The following FYB1 variants were observed in gnomAD, a reference collection of about 807,000 sequenced individuals.
The protein encoded by FYB1 is FYN binding protein 1.
In FYB1, 41 loss-of-function variants were observed where a neutral mutation model predicts 94.1. The observed-to-expected ratio is 0.44, with a 90% confidence interval of 0.34 to 0.57. FYB1 has a LOEUF of 0.57. Ranked by LOEUF, FYB1 falls within the 20% of genes least tolerant of loss-of-function variation. The pLI, the probability that FYB1 is intolerant of heterozygous loss-of-function variation, is 0.02. For synonymous variants in FYB1, 367 were observed against 353.2 expected, an observed-to-expected ratio of 1.04 and a Z score of -0.44; for missense variants, 1,050 against 976.8, an observed-to-expected ratio of 1.07 and a Z score of -1.00.
chr5:39,134,873 T>C lies in FYB1; in HGVS notation c.1657A>G (p.Arg553Gly). 1 of 1,613,968 alleles carries C rather than the reference T, an allele frequency of 6.2e-7. No homozygotes were observed. Among genetic ancestry groups the C allele is most frequent in the Non-Finnish European group, 8.5e-7 (1 of 1,179,876 alleles). ...CACTCACATGAACCCCTTGCTGTTC[T>C]GCCCAACCATTTTCCTTCTGGGTTG... ...TDNPEGKWLG[R>G]TARGSYGYIK... is the part of the protein sequence containing the mutation. The change falls in exon 8 of 19, where the codon AGA becomes GGA. Residue 553 changes from arginine to glycine, a missense_variant. By Grantham distance (125) the Arg-to-Gly change is moderately radical (BLOSUM62 -2). Transcript: ENST00000512982.
intron 1 of FYB1, among the ~76,000 whole-genome samples, chr5:39,233,944 A>G (rs527400072): frequency 8.5e-5 from 13 of 152,264 alleles, no homozygotes; most frequent in Non-Finnish European, 1.5e-4. Context: ...GTTGCCTGAA[A>G]GGGACTTGAT....
chr5:39,230,053 T>G (rs1259877328), intron 1 of FYB1, among the ~76,000 whole-genome samples: 1 of 152,100 alleles, frequency 6.6e-6, no homozygotes, highest in South Asian at 2.1e-4. Flanking sequence ...CTTCCTATAG[T>G]GAGGTAGGCA....
chr5:39,247,783 T>C lies in FYB1; in HGVS notation c.-28+26620A>G, dbSNP rs571973671. Among the ~76,000 whole-genome samples the C allele has an allele frequency of 9.1e-4, 138 of 152,044 alleles. 3 individuals carry two copies. Among genetic ancestry groups the C allele is most frequent in the African/African-American group, 3.1e-3 (129 of 41,454 alleles). ...CAAAACATTTGTTGAGCATCTAGTA[T>C]ATGCCAGCACCATAGTGTGCTTTTA... On this transcript the variant is annotated intron_variant, in intron 1 of 1. Transcript: ENST00000510188.
Position 39,202,186 on chromosome 5 carries a change from A to C in FYB1, c.775T>G (p.Phe259Val), listed in dbSNP as rs1278361003. Residue 259 changes from phenylalanine (F) to valine (V), a missense_variant, in exon 2 of 19, where the codon TTT becomes GTT. Transcript: ENST00000512982. Reference sequence around the variant, plus strand: ...GCAGGTTTCAAAACCACTCCAGGAAAGGGCAAACTTGAAATCTCCCCTGCA... The same window carrying C: ...GCAGGTTTCAAAACCACTCCAGGAACGGGCAAACTTGAAATCTCCCCTGCA... ...DHAGEISSLP[F>V]PGVVLKPAAS... is the part of the protein sequence containing the mutation. The C allele has an allele frequency of 5.6e-6, 9 of 1,613,912 alleles. No homozygotes were observed. In the Admixed American group the frequency reaches 1.3e-4, roughly 24 times the overall value.
At chr5:39,139,767 AGT>A in intron 4 of FYB1, 1 of 152,434 alleles carries the variant, frequency 6.6e-6, no homozygotes, top group Non-Finnish European at 1.5e-5. Flanking sequence ...TAATAAAAAC[AGT>A]GTGGTGTTGG....
intron 2 of FYB1, among the ~76,000 whole-genome samples, chr5:39,176,298 G>A (rs754177340): frequency 6.6e-5 from 10 of 151,380 alleles, no homozygotes; most frequent in South Asian, 4.2e-4. Flanking sequence ...TTACAGGTGC[G>A]CACCACCAGG....
At chr5:39,210,388 C>A (rs1455241876) in intron 1 of FYB1, among the ~76,000 whole-genome samples, 2 of 152,200 alleles carry the variant, frequency 1.3e-5, no homozygotes, top group Non-Finnish European at 2.9e-5. Flanking sequence ...ACTGATGATC[C>A]GGATCCTTCT....
chr5:39,252,252 CAG>C (rs200179792), intron 1 of FYB1, among the ~76,000 whole-genome samples: 4,057 of 151,740 alleles, frequency 0.027, 124 homozygotes, highest in Admixed American at 0.087. Flanking sequence ...ATAACAAAAA[CAG>C]GGCATGTGTT....
At chr5:39,204,285 G>T (rs150554873) in intron 1 of FYB1, among the ~76,000 whole-genome samples, 1 of 151,984 alleles carries the variant, frequency 6.6e-6, no homozygotes, top group South Asian at 2.1e-4. Context: ...ATATCATCCC[G>T]TCTCATTCTT....
chr5:39,172,874 T>A (rs957875909), intron 2 of FYB1, among the ~76,000 whole-genome samples: 1 of 152,188 alleles, frequency 6.6e-6, no homozygotes, highest in Non-Finnish European at 1.5e-5. Flanking sequence ...GTTAATTGCA[T>A]GTCTTTGCTA....
intron 3 of FYB1, 59 bp downstream of exon 3, chr5:39,153,389 A>G: frequency 6.3e-7 from 1 of 1,585,120 alleles, no homozygotes; most frequent in Non-Finnish European, 8.7e-7. Flanking sequence ...GACCAAGCAC[A>G]GTTTGAAAAT....
rs578028681 is a variant in FYB1 at position 39,135,828 on chromosome 5, AT to A, written c.1516-815del. The stretch of plus-strand genomic sequence containing the variant: ...GAGGCTCAGTTCTCATATTTATTTA[AT>A]TTTTTTTACCTATTATCTATTATCA... On this transcript the variant is annotated intron_variant, in intron 7 of 18. Coordinates refer to ENST00000512982, the MANE Select transcript of FYB1 (RefSeq NM_001465.6). Among the ~76,000 whole-genome samples the A allele has an allele frequency of 2.4e-3, 372 of 152,066 alleles. 4 individuals are homozygous for A. Among genetic ancestry groups the A allele is most frequent in the African/African-American group, 8.4e-3 (348 of 41,508 alleles).
Position 39,219,508 on chromosome 5 carries a change from G to A in FYB1, c.-93C>T. ...GTGGATCTTCCTGGGCCAGGGTCTG[G>A]GCCCTACTCACTTCTAGCTGTCGCA... On this transcript the variant is annotated 5_prime_UTR_variant, in exon 1 of 19. Transcript: ENST00000512982. The A allele has an allele frequency of 1.0e-6, 1 of 985,428 alleles. No homozygotes were observed. The highest frequency in any genetic ancestry group is 1.2e-6 in the Non-Finnish European group (1 of 829,950). 61.0% of individuals were successfully genotyped at this position (985,428 alleles called of 1,614,324 possible). A position where few individuals can be genotyped will look rare whatever the true frequency, so the allele number is the denominator to read the frequency against.
At chr5:39,225,563 C>G (rs1438873375) in intron 1 of FYB1, among the ~76,000 whole-genome samples, 1 of 152,068 alleles carries the variant, frequency 6.6e-6, no homozygotes, top group Non-Finnish European at 1.5e-5. Flanking sequence ...TGATGCTGCC[C>G]AATTCATGAA....
intron 2 of FYB1, among the ~76,000 whole-genome samples, chr5:39,178,490 T>G (rs1745931154): frequency 1.3e-5 from 2 of 152,206 alleles, no homozygotes; most frequent in African/African-American, 4.8e-5. Context: ...TAATTTTGGC[T>G]GTCCTTCCTA....
intron 2 of FYB1, among the ~76,000 whole-genome samples, chr5:39,172,315 G>A (rs544176024): frequency 6.6e-6 from 1 of 152,032 alleles, no homozygotes; most frequent in East Asian, 1.9e-4. Context: ...GCATAGTGGT[G>A]TGCACCTGTA....
At chr5:39,173,093 T>C (rs1163934455) in intron 2 of FYB1, among the ~76,000 whole-genome samples, 2 of 152,240 alleles carry the variant, frequency 1.3e-5, no homozygotes, top group African/African-American at 4.8e-5. Context: ...CCCTTTTCTC[T>C]GCAGCCTTTT....
chr5:39,158,786 T>C (rs1743986598), intron 2 of FYB1, among the ~76,000 whole-genome samples: 1 of 152,182 alleles, frequency 6.6e-6, no homozygotes, highest in Admixed American at 6.5e-5. Flanking sequence ...TTTAAATCCA[T>C]GGATTCCTTA....
At chr5:39,258,907 G>T (rs1231531860) in intron 1 of FYB1, among the ~76,000 whole-genome samples, 2 of 152,216 alleles carry the variant, frequency 1.3e-5, no homozygotes, top group Admixed American at 6.5e-5. Context: ...GTATGGAAGG[G>T]TTTGTTAATC....
Sources: allele counts gnomAD v4.1 joint callset (sites outside exome capture counted in the v4.1 genomes callset), GRCh38; gene constraint gnomAD v4.1.1; transcripts MANE v1.5; gene names NCBI Gene and HGNC (gene_info 2026-07-23, HGNC 2026-07-21).